Variants in GRIA4 observed in about 807,000 individuals in gnomAD.
The protein encoded by GRIA4 is glutamate ionotropic receptor AMPA type subunit 4.
In GRIA4, 34 loss-of-function variants were observed where a neutral mutation model predicts 104.0. That is an observed-to-expected ratio of 0.33 (90% CI 0.25 to 0.44). The LOEUF (loss-of-function observed/expected upper bound fraction) is 0.44, where lower values mean the gene tolerates loss of function less well. Among genes scored for constraint, GRIA4 ranks in the 20% least tolerant of loss-of-function variants. GRIA4 has a pLI of 1.00. For missense variants in GRIA4, 750 were observed against 1,096.5 expected, an observed-to-expected ratio of 0.68 and a Z score of 4.46; for synonymous variants, 386 against 381.9, an observed-to-expected ratio of 1.01 and a Z score of -0.13.
intron 3 of GRIA4, among the ~76,000 whole-genome samples, chr11:105,651,715 T>C (rs145759101): frequency 1.6e-3 from 244 of 152,052 alleles, no homozygotes; most frequent in African/African-American, 5.7e-3. Context: ...ACACTTCTGC[T>C]TGAGGTTCCA....
At chr11:105,876,296 TG>T (rs1945818307) in intron 5 of GRIA4, among the ~76,000 whole-genome samples, 1 of 152,140 alleles carries the variant, frequency 6.6e-6, no homozygotes, top group Admixed American at 6.6e-5. Context: ...TTATGATTTT[TG>T]TTCTTTTGCA....
intron 4 of GRIA4, among the ~76,000 whole-genome samples, chr11:105,792,000 C>T (rs1836740179): frequency 6.6e-6 from 1 of 151,994 alleles, no homozygotes; most frequent in South Asian, 2.1e-4. Flanking sequence ...AAAATAGAAG[C>T]AGCAATATCA....
intron 3 of GRIA4, among the ~76,000 whole-genome samples, chr11:105,625,006 A>T (rs546048772): frequency 6.6e-6 from 1 of 152,262 alleles, no homozygotes; most frequent in Admixed American, 6.5e-5. Context: ...TACTGTGATT[A>T]TAAATTTAAA....
intron 14 of GRIA4, among the ~76,000 whole-genome samples, chr11:105,935,106 G>A (rs1947994847): frequency 1.3e-5 from 2 of 152,246 alleles, no homozygotes; most frequent in African/African-American, 4.8e-5. Flanking sequence ...GCTTTGATAT[G>A]TGTGTTGGTT....
chr11:105,761,817 A>G (rs556783898), intron 4 of GRIA4, among the ~76,000 whole-genome samples: 1 of 152,362 alleles, frequency 6.6e-6, no homozygotes, highest in East Asian at 1.9e-4. Flanking sequence ...GATTTTGCCC[A>G]TCGGCAATAG....
chr11:105,767,558 T>C (rs995521227), intron 4 of GRIA4, among the ~76,000 whole-genome samples: 4 of 152,074 alleles, frequency 2.6e-5, no homozygotes, highest in African/African-American at 9.7e-5. Context: ...AATAAAAAAC[T>C]ATGAGCAGGG....
At chr11:105,759,826 T>C (rs548364685) in intron 4 of GRIA4, among the ~76,000 whole-genome samples, 3 of 152,266 alleles carry the variant, frequency 2.0e-5, no homozygotes, top group African/African-American at 4.8e-5. Context: ...TGCATTCCCA[T>C]AGCATCTATA....
At chr11:105,736,738 G>T (rs1391779962) in intron 3 of GRIA4, among the ~76,000 whole-genome samples, 1 of 151,662 alleles carries the variant, frequency 6.6e-6, no homozygotes, top group African/African-American at 2.4e-5. Context: ...TATAAAGTCT[G>T]ACCTTTTGGT....
chr11:105,859,629 A>C (rs558068624), intron 4 of GRIA4, among the ~76,000 whole-genome samples: 3 of 152,318 alleles, frequency 2.0e-5, no homozygotes, highest in Non-Finnish European at 4.4e-5. Flanking sequence ...CCAGAAATGC[A>C]GCAATATTTA....
At chr11:105,768,918 T>G (rs915209219) in intron 4 of GRIA4, among the ~76,000 whole-genome samples, 1 of 151,766 alleles carries the variant, frequency 6.6e-6, no homozygotes, top group African/African-American at 2.4e-5. Flanking sequence ...AAGTAGGAGG[T>G]AGAATTTGAA....
intron 3 of GRIA4, among the ~76,000 whole-genome samples, chr11:105,717,849 C>T (rs1156388704): frequency 2.1e-5 from 3 of 144,602 alleles, no homozygotes; most frequent in African/African-American, 5.1e-5. Context: ...TCTCCCAATG[C>T]TATCCCTCCC....
At chr11:105,612,215 G>A in intron 2 of GRIA4, 61 bp from the exon 3 acceptor site, 1 of 1,479,782 alleles carries the variant, frequency 6.8e-7, no homozygotes, top group Non-Finnish European at 9.4e-7. Flanking sequence ...ACTGTGCTTG[G>A]GGTGGGTATA....
At chr11:105,979,125 AATAGTCT>A (rs1859143523) in intron 16 of GRIA4, among the ~76,000 whole-genome samples, 1 of 152,236 alleles carries the variant, frequency 6.6e-6, no homozygotes, top group South Asian at 2.1e-4. Flanking sequence ...ATCTGTCATG[AATAGTCT>A]ATACATATCG....
chr11:105,826,676 A>T (rs537256279), intron 4 of GRIA4, among the ~76,000 whole-genome samples: 5 of 152,044 alleles, frequency 3.3e-5, no homozygotes, highest in Non-Finnish European at 7.4e-5. Flanking sequence ...GAAGTCACAT[A>T]TTTCTCGCCT....
At chr11:105,719,055 T>G (rs577755987) in intron 3 of GRIA4, among the ~76,000 whole-genome samples, 2 of 152,170 alleles carry the variant, frequency 1.3e-5, no homozygotes, top group East Asian at 3.9e-4. Flanking sequence ...TTTTTTAAAT[T>G]TAAAAGGAAG....
chr11:105,641,223 T>C (rs962766152), intron 3 of GRIA4, among the ~76,000 whole-genome samples: 19 of 152,142 alleles, frequency 1.2e-4, no homozygotes, highest in Admixed American at 9.2e-4. Flanking sequence ...ATATGTTAAA[T>C]AAAATTCTGA....
At chr11:105,642,221 A>G (rs751173156) in intron 3 of GRIA4, among the ~76,000 whole-genome samples, 1 of 152,148 alleles carries the variant, frequency 6.6e-6, no homozygotes, top group Non-Finnish European at 1.5e-5. Flanking sequence ...TTTATCCCAC[A>G]ACATGTCACT....
chr11:105,921,870 A>C (rs1029852745), intron 11 of GRIA4, among the ~76,000 whole-genome samples: 2 of 152,114 alleles, frequency 1.3e-5, no homozygotes, highest in Admixed American at 6.6e-5. Flanking sequence ...AGATACCAAA[A>C]AGTGATAGGA....
At chr11:105,924,358 T>C (rs1947649601) in intron 11 of GRIA4, 41 bp from the exon 12 acceptor site, 27 of 1,464,162 alleles carry the variant, frequency 1.8e-5, no homozygotes, top group Non-Finnish European at 2.4e-5. Context: ...CTTCATGAAA[T>C]TCATTAACCT....
Sources: allele counts gnomAD v4.1 joint callset (sites outside exome capture counted in the v4.1 genomes callset), GRCh38; gene constraint gnomAD v4.1.1; transcripts MANE v1.5; gene names NCBI Gene and HGNC (gene_info 2026-07-23, HGNC 2026-07-21).